Variants in SUMF2 observed in about 807,000 individuals in gnomAD.
SUMF2 encodes the protein sulfatase modifying factor 2.
In SUMF2, 45 loss-of-function variants were observed where a neutral mutation model predicts 44.8. The observed-to-expected ratio is 1.00, with a 90% CI of 0.79 to 1.29. The LOEUF (loss-of-function observed/expected upper bound fraction) is 1.29. SUMF2 is among the 50% of genes most tolerant of loss of function. The pLI, the probability that SUMF2 is intolerant of heterozygous loss-of-function variation, is 0.00. For missense variants in SUMF2, 418 were observed against 389.9 expected (o/e 1.07, Z -0.61); for synonymous variants, 148 against 150.4 (o/e 0.98, Z 0.12).
intron 8 of SUMF2, chr7:56,079,045 G>C (rs1344609841): frequency 5.5e-6 from 3 of 547,446 alleles, no homozygotes; most frequent in Non-Finnish European, 6.6e-6. Context: ...TACAGGTGCG[G>C]CTAATTTTTG....
downstream of SUMF2, chr7:56,081,684 G>A (rs1027481956): frequency 1.9e-6 from 3 of 1,613,996 alleles, no homozygotes; most frequent in African/African-American, 2.7e-5. The surrounding 1 kb of genome is among the most constrained non-coding windows in gnomAD (Gnocchi z 4.6). Flanking sequence ...AGTACTGCTG[G>A]AAGAAGGGGT....
downstream of SUMF2, chr7:56,083,105 C>CA (rs374270655): frequency 0.087 from 37,996 of 437,870 alleles, 14 homozygotes; most frequent in East Asian, 0.096. Flanking sequence ...GACTCCATCT[C>CA]AAAAAAAAAA....
At chr7:56,083,316 C>T, downstream of SUMF2, 1 of 1,614,058 alleles carries the variant, frequency 6.2e-7, no homozygotes, top group Non-Finnish European at 8.5e-7. Context: ...GCAGGAAAAG[C>T]CAAAGTCTGT....
chr7:56,079,431 A>C, intron 8 of SUMF2, 97 bp from the exon 9 acceptor site: 1 of 1,259,058 alleles, frequency 7.9e-7, no homozygotes, highest in South Asian at 1.4e-5. Context: ...ATGCTCCCTG[A>C]TCATGGCCGG....
At chr7:56,072,916 A>T in intron 2 of SUMF2, 81 bp from the exon 3 acceptor site, 1 of 965,422 alleles carries the variant, frequency 1.0e-6, no homozygotes. Context: ...GGACAGGGAT[A>T]TCTGAAGTTT....
Position 56,080,082 on chromosome 7 carries a change from G to T in SUMF2, c.*470G>T. On this transcript the variant is annotated 3_prime_UTR_variant, in exon 9 of 9. Coordinates refer to ENST00000434526, the MANE Select transcript of SUMF2 (RefSeq NM_015411.4). ...TTTGTGGCCTCATCTGTGGTTTCGT[G>T]TCCCTCTGAAGGAAACTAGTTTCCA... 1.7e-6 allele frequency: 1 copy of T among 575,484 alleles called. No individual in the cohort carries two copies. The highest frequency in any genetic ancestry group is 3.1e-6 in the Non-Finnish European group (1 of 327,602). 35.6% of individuals were successfully genotyped at this position (575,484 alleles called of 1,614,324 possible).
At chr7:56,086,564 C>A in the SUMF2 span, among the ~76,000 whole-genome samples, 1 of 151,584 alleles carries the variant, frequency 6.6e-6, no homozygotes, top group East Asian at 1.9e-4. Flanking sequence ...TCTCGGCTCA[C>A]TTCAACCTCC....
downstream of SUMF2, chr7:56,081,202 G>T: frequency 1.2e-6 from 2 of 1,613,936 alleles, no homozygotes; most frequent in Admixed American, 1.7e-5. The surrounding 1 kb of genome is among the most constrained non-coding windows in gnomAD (Gnocchi z 4.6). Flanking sequence ...AGGCCGGAGG[G>T]CATAGGGGTC....
rs1462900048 is a variant in SUMF2, at chr7:56,079,035, T to G, written c.822-493T>G. 7.0e-6 allele frequency: 4 copies of G among 568,894 alleles called. No individual in the cohort carries two copies. The Admixed American group carries it at 1.1e-4, about 16-fold the overall frequency. The allele number at this position is 568,894 out of a possible 1,614,324, so 35.2% of individuals were successfully genotyped here. On this transcript the variant is annotated intron_variant, in intron 8 of 8. Coordinates refer to ENST00000434526, the MANE Select transcript of SUMF2 (RefSeq NM_015411.4). ...CCTCAGCTCCTCAAGTATCTGGGAC[T>G]ACAGGTGCGGCTAATTTTTGTAGAG...
intron 1 of SUMF2, among the ~76,000 whole-genome samples, chr7:56,065,121 G>A (rs1794687150): frequency 6.7e-6 from 1 of 149,786 alleles, no homozygotes; most frequent in Non-Finnish European, 1.5e-5. Context: ...GAACCCCGGG[G>A]GGTGGAGCCT....
intron 6 of SUMF2, among the ~76,000 whole-genome samples, chr7:56,077,109 C>G (rs1461831015): frequency 4.7e-5 from 7 of 148,070 alleles, no homozygotes. Context: ...TGCAGTGGTG[C>G]GATCTTGGCT....
chr7:56,069,438 T>C (rs1036212821), intron 2 of SUMF2, among the ~76,000 whole-genome samples: 1 of 151,872 alleles, frequency 6.6e-6, no homozygotes, highest in Non-Finnish European at 1.5e-5. Context: ...ACCCTATCTC[T>C]GCTAAAATAA....
At chr7:56,067,628 C>G (rs1584569833) in intron 1 of SUMF2, among the ~76,000 whole-genome samples, 1 of 152,082 alleles carries the variant, frequency 6.6e-6, no homozygotes, top group African/African-American at 2.4e-5. Flanking sequence ...CGTGCTGGCT[C>G]ACACCTATAA....
chr7:56,083,440 T>G, downstream of SUMF2: 1 of 1,614,034 alleles, frequency 6.2e-7, no homozygotes, highest in Non-Finnish European at 8.5e-7. Context: ...CGCATGATCT[T>G]TCTAGGGTGG....
In SUMF2 at chr7:56,068,781, C is replaced by G. The variant is rs963416743; in HGVS notation, c.224+143C>G. 9.1e-6 allele frequency: 8 copies of G among 881,282 alleles called. No individual in the cohort carries two copies. The Admixed American group carries it at 9.9e-5, about 11-fold the overall frequency. The allele number at this position is 881,282 out of a possible 1,614,324, so 54.6% of individuals were successfully genotyped here. ...TGCAGTGGCGCAATCTCGCTCACTG[C>G]AACCTCCACCTCCCGGGTTCAAGCA... is the stretch of plus-strand genomic sequence containing the variant. On this transcript the variant is annotated intron_variant, in intron 2 of 8. Transcript: ENST00000434526.
downstream of SUMF2, among the ~76,000 whole-genome samples, chr7:56,083,901 G>A (rs1399693637): frequency 1.3e-5 from 2 of 152,182 alleles, no homozygotes; most frequent in Non-Finnish European, 2.9e-5. Context: ...TGGGAGAAAA[G>A]CAGAGGAGGC....
chr7:56,077,953 A>G, intron 6 of SUMF2, 149 bp from the exon 7 acceptor site: 1 of 636,702 alleles, frequency 1.6e-6, no homozygotes, highest in Non-Finnish European at 2.8e-6. Context: ...TGGGTTTGGG[A>G]GCTCTAGATA....
rs1398148998 is a variant in SUMF2, at chr7:56,074,579, C to G, written c.385-7C>G. On this transcript the variant is annotated splice_region_variant and splice_polypyrimidine_tract_variant and intron_variant, in intron 4 of 8. Transcript: ENST00000434526. The stretch of plus-strand genomic sequence containing the variant: ...GGAAGCCTGTCTCACTTAATCCTGG[C>G]TGTCAGCCTGCAGGTCCTGGCTCTG... 1 of 1,613,764 alleles carries G rather than the reference C, an allele frequency of 6.2e-7. No individual in the cohort carries two copies. Among genetic ancestry groups the G allele is most frequent in the Non-Finnish European group, 8.5e-7 (1 of 1,179,788 alleles).
chr7:56,066,172 GAA>G, intron 1 of SUMF2, among the ~76,000 whole-genome samples: 1 of 150,912 alleles, frequency 6.6e-6, no homozygotes, highest in East Asian at 1.9e-4. Context: ...GAGTGTGTCA[GAA>G]TAAGAGATCC....
Sources: gnomAD v4.1 joint callset for allele counts (sites outside exome capture counted in the v4.1 genomes callset) on GRCh38, gnomAD v4.1.1 for gene constraint, Gnocchi (gnomAD v3.1) non-coding constraint, MANE v1.5 for transcripts, NCBI Gene and HGNC (gene_info 2026-07-23, HGNC 2026-07-21) for gene names.